NBAS: variants seen among roughly 807,000 people sequenced by gnomAD.
NBAS encodes NBAS subunit of NRZ tethering complex, also known as NAG/BC035112 fusion.
NBAS carries 219 observed loss-of-function variants against 302.5 expected under a neutral mutation model. That is an observed-to-expected ratio of 0.72 (90% CI 0.65 to 0.81). NBAS has a LOEUF of 0.81. NBAS is among the 30% of genes least tolerant of loss of function. NBAS has a pLI of 0.00. For missense variants in NBAS, 2,932 were observed against 2,841.6 expected, an observed-to-expected ratio of 1.03 and a Z score of -0.72; for synonymous variants, 1,118 against 1,021.6, an observed-to-expected ratio of 1.09 and a Z score of -1.80.
At chr2:14,932,905 G>A in the NBAS span, among the ~76,000 whole-genome samples, 4 of 152,306 alleles carry the variant, frequency 2.6e-5, no homozygotes, top group Admixed American at 6.5e-5. Flanking sequence ...GGCATGTTTA[G>A]TTGAGACTGG....
the NBAS span, among the ~76,000 whole-genome samples, chr2:15,120,321 A>G: frequency 0.059 from 9,049 of 152,252 alleles, 362 homozygotes; most frequent in Non-Finnish European, 0.086. Context: ...CAAACCTACA[A>G]TGTGGATATC....
At chr2:15,206,147 G>A (rs918803570) in intron 48 of NBAS, among the ~76,000 whole-genome samples, 9 of 152,186 alleles carry the variant, frequency 5.9e-5, no homozygotes, top group African/African-American at 2.2e-4. Flanking sequence ...TGAAATCCGG[G>A]CTGAGGTGGT....
intron 35 of NBAS, among the ~76,000 whole-genome samples, chr2:15,334,912 C>A (rs1672509084): frequency 2.0e-5 from 3 of 152,202 alleles, no homozygotes; most frequent in Non-Finnish European, 4.4e-5. Flanking sequence ...CAGTCACTAA[C>A]CCTGCCAAAA....
In NBAS at chr2:15,374,630, C is replaced by T. The variant is rs745703262; in HGVS notation, c.3681G>A (p.Gly1227=). 46 of 1,613,634 alleles carry T rather than the reference C, an allele frequency of 2.9e-5. No homozygotes were observed. The highest frequency in any genetic ancestry group is 1.6e-4 in the Middle Eastern group (1 of 6,082). The change falls in exon 31 of 52, where the codon GGG becomes GGA. Residue 1227 remains glycine, a synonymous_variant. Coordinates refer to ENST00000281513, the MANE Select transcript of NBAS (RefSeq NM_015909.4). ...IQAVGCLEEF[G]VKILPLQVRL... ...CACCTTGCAAAGGCAGGATCTTTACCCCAAATTCTTCAAGACATCCAACGG... is the reference window on the plus strand; with the variant it reads ...CACCTTGCAAAGGCAGGATCTTTACTCCAAATTCTTCAAGACATCCAACGG...
chr2:14,786,535 T>C, the NBAS span, among the ~76,000 whole-genome samples: 2 of 152,184 alleles, frequency 1.3e-5, no homozygotes, highest in Admixed American at 6.5e-5. Flanking sequence ...TTGTTCTCGT[T>C]GGTTTCAAAG....
the NBAS span, among the ~76,000 whole-genome samples, chr2:14,879,754 A>C: frequency 4.5e-3 from 691 of 152,334 alleles, 6 homozygotes; most frequent in African/African-American, 0.016. Context: ...CAGTAAAATA[A>C]AGATCCAACT....
intron 47 of NBAS, among the ~76,000 whole-genome samples, chr2:15,219,762 T>C (rs1321834510): frequency 4.4e-5 from 6 of 137,406 alleles, no homozygotes; most frequent in Non-Finnish European, 6.3e-5. Flanking sequence ...ATTTCTCAAT[T>C]TTTTCCCCAC....
chr2:15,219,358 G>A (rs1331931079), intron 47 of NBAS, among the ~76,000 whole-genome samples: 1 of 142,278 alleles, frequency 7.0e-6, no homozygotes, highest in Non-Finnish European at 1.5e-5. Context: ...ATCATTCTTG[G>A]GTGTTTCTCG....
chr2:15,090,178 C>T, the NBAS span, among the ~76,000 whole-genome samples: 2 of 152,144 alleles, frequency 1.3e-5, no homozygotes, highest in African/African-American at 4.8e-5. Flanking sequence ...ACGTGTGTGT[C>T]TGTTTCTTTA....
At chr2:15,472,021 AG>A (rs1401526441) in intron 16 of NBAS, among the ~76,000 whole-genome samples, 2 of 152,252 alleles carry the variant, frequency 1.3e-5, no homozygotes, top group Non-Finnish European at 2.9e-5. Context: ...GGCAGGTAAC[AG>A]GAAGTATCCA....
chr2:15,316,769 C>A (rs1671534306), intron 38 of NBAS, among the ~76,000 whole-genome samples: 1 of 152,230 alleles, frequency 6.6e-6, no homozygotes, highest in South Asian at 2.1e-4. Context: ...GGACTACTGC[C>A]TCTACAGACT....
At chr2:15,116,552 A>G in the NBAS span, among the ~76,000 whole-genome samples, 2 of 152,220 alleles carry the variant, frequency 1.3e-5, no homozygotes, top group Admixed American at 1.3e-4. Flanking sequence ...ATATCCAAAT[A>G]TAGTCATACT....
At chr2:14,792,675 T>TAA in the NBAS span, among the ~76,000 whole-genome samples, 28 of 146,748 alleles carry the variant, frequency 1.9e-4, no homozygotes, top group African/African-American at 6.7e-4. Flanking sequence ...CTATGGAAAT[T>TAA]AAAAAAAAAA....
the NBAS span, among the ~76,000 whole-genome samples, chr2:15,094,841 G>T: frequency 6.6e-6 from 1 of 152,176 alleles, no homozygotes; most frequent in Non-Finnish European, 1.5e-5. Context: ...GAGATTCCAG[G>T]TTCCAGAAAG....
Position 15,444,585 on chromosome 2 carries a change from T to C in NBAS, c.2339+16616A>G, listed in dbSNP as rs1317594049. On this transcript the variant is annotated intron_variant, in intron 21 of 51. Coordinates refer to ENST00000281513, the MANE Select transcript of NBAS (RefSeq NM_015909.4). ...AACCTAGGCATTACCATTCAGGACA[T>C]AGGCATGGGCAAGGATTTCATGTCT... Among the ~76,000 whole-genome samples, 9 of 152,104 alleles carry C rather than the reference T, an allele frequency of 5.9e-5. No homozygotes were observed. In the South Asian group the frequency reaches 1.5e-3, roughly 25 times the overall value.
chr2:15,012,219 G>A, the NBAS span, among the ~76,000 whole-genome samples: 46 of 151,950 alleles, frequency 3.0e-4, no homozygotes, highest in African/African-American at 8.2e-4. Context: ...AGAAATAAAC[G>A]GACACGTTTT....
chr2:15,126,553 C>G, the NBAS span, among the ~76,000 whole-genome samples: 1 of 152,160 alleles, frequency 6.6e-6, no homozygotes, highest in Admixed American at 6.5e-5. Context: ...ATCAGAGGTA[C>G]CTCACCCGAG....
chr2:15,112,256 A>G, the NBAS span, among the ~76,000 whole-genome samples: 1 of 152,028 alleles, frequency 6.6e-6, no homozygotes, highest in East Asian at 1.9e-4. Context: ...AAAAAGAGAC[A>G]TTTAAAAAAT....
the NBAS span, among the ~76,000 whole-genome samples, chr2:14,936,954 C>G: frequency 6.6e-6 from 1 of 152,092 alleles, no homozygotes; most frequent in African/African-American, 2.4e-5. Flanking sequence ...GAGACTTGAC[C>G]AATGAGCCTT....
Sources: allele counts gnomAD v4.1 joint callset (sites outside exome capture counted in the v4.1 genomes callset), GRCh38; gene constraint gnomAD v4.1.1; transcripts MANE v1.5; gene names NCBI Gene and HGNC (gene_info 2026-07-23, HGNC 2026-07-21).